MCC: variants seen among roughly 807,000 people sequenced by gnomAD.
The protein encoded by MCC is MCC regulator of Wnt signaling pathway, also known as colorectal mutant cancer protein.
A neutral mutation model predicts 116.2 loss-of-function variants in MCC; 90 were observed. The observed-to-expected ratio is 0.77, with a 90% CI of 0.65 to 0.92. The LOEUF (loss-of-function observed/expected upper bound fraction) is 0.92. Among genes scored for constraint, MCC ranks in the 40% least tolerant of loss-of-function variants. MCC has a pLI of 0.00. For synonymous variants in MCC, 578 were observed against 510.5 expected (o/e 1.13, Z -1.78); for missense variants, 1,516 against 1,312.2 (o/e 1.16, Z -2.40).
At chr5:113,364,242 AAAAAAAAAAAAAAAAAAACCAG>A (rs1253337427) in intron 2 of MCC, among the ~76,000 whole-genome samples, 7 of 126,688 alleles carry the variant, frequency 5.5e-5, no homozygotes, top group Non-Finnish European at 9.8e-5. Context: ...AAAACAGAAA[AAAAAAAAAAAAAAAAAAACCAG>A]AAAAAAAAAA....
At chr5:113,487,852 G>T (rs1561597916) in intron 1 of MCC, among the ~76,000 whole-genome samples, 2 of 152,170 alleles carry the variant, frequency 1.3e-5, no homozygotes, top group Non-Finnish European at 2.9e-5. Context: ...CGGGCAGATC[G>T]CTGCCCCGTG....
At position 113,225,719 on chromosome 5, in the gene MCC, T is replaced by C. The variant is rs572593307; in HGVS notation, c.628-74297A>G. Among the ~76,000 whole-genome samples the C allele has an allele frequency of 5.2e-4, 79 of 152,344 alleles. 1 individual carries two copies. Among genetic ancestry groups the C allele is most frequent in the African/African-American group, 1.9e-3 (77 of 41,576 alleles). On this transcript the variant is annotated intron_variant, in intron 3 of 18. Transcript: ENST00000408903. ...TCCTGGTTCACTGACATGTGCTGTA[T>C]AGTCACAAACACAGGCTCACAGGCA... is the stretch of plus-strand genomic sequence containing the variant.
At chr5:113,470,519 T>C (rs1772054932) in intron 1 of MCC, among the ~76,000 whole-genome samples, 1 of 152,348 alleles carries the variant, frequency 6.6e-6, no homozygotes, top group African/African-American at 2.4e-5. Context: ...CCCCACTCTC[T>C]TCTGGCTTGT....
intron 6 of MCC, among the ~76,000 whole-genome samples, chr5:113,105,526 G>C (rs1756678455): frequency 6.6e-6 from 1 of 152,032 alleles, no homozygotes; most frequent in South Asian, 2.1e-4. Flanking sequence ...GTTCCTCCCC[G>C]ATCTCTCCCA....
chr5:113,096,338 G>T (rs187469666), intron 8 of MCC, among the ~76,000 whole-genome samples: 21 of 152,306 alleles, frequency 1.4e-4, no homozygotes, highest in Admixed American at 1.0e-3. Context: ...GTGGGGGAGT[G>T]TGCCAGGGTG....
chr5:113,443,049 G>C (rs920355051), intron 1 of MCC, among the ~76,000 whole-genome samples: 1 of 152,212 alleles, frequency 6.6e-6, no homozygotes, highest in African/African-American at 2.4e-5. Flanking sequence ...GTCAATGGTA[G>C]CTTGATGGGG....
intron 3 of MCC, among the ~76,000 whole-genome samples, chr5:113,188,777 T>C (rs570873962): frequency 6.6e-6 from 1 of 152,334 alleles, no homozygotes; most frequent in African/African-American, 2.4e-5. Context: ...AAGAATAATG[T>C]GCCCAGGGCC....
intron 2 of MCC, among the ~76,000 whole-genome samples, chr5:113,360,779 C>G (rs1024811645): frequency 6.6e-6 from 1 of 152,118 alleles, no homozygotes. Context: ...CTCCTTTTTA[C>G]TCCTGATATT....
chr5:113,251,645 C>T (rs1005571297), intron 3 of MCC, among the ~76,000 whole-genome samples: 2 of 152,146 alleles, frequency 1.3e-5, no homozygotes, highest in Non-Finnish European at 2.9e-5. Flanking sequence ...TCTAGTTTTG[C>T]CAGATCTTCT....
At chr5:113,238,275 G>T (rs1046841750) in intron 3 of MCC, among the ~76,000 whole-genome samples, 2 of 151,792 alleles carry the variant, frequency 1.3e-5, no homozygotes, top group Non-Finnish European at 2.9e-5. Flanking sequence ...ATTTTTTCCT[G>T]TTTTTTTTAA....
At chr5:113,087,538 CAAAG>C (rs903581768) in intron 8 of MCC, among the ~76,000 whole-genome samples, 2 of 152,114 alleles carry the variant, frequency 1.3e-5, no homozygotes, top group African/African-American at 4.8e-5. Context: ...AGAGACTGGG[CAAAG>C]AGAGAGGGCT....
chr5:113,400,112 A>ATTTT (rs1769640022), intron 1 of MCC: 6 of 50,904 alleles, frequency 1.2e-4, no homozygotes, highest in Admixed American at 1.9e-4. Context: ...CTCCTTTTTT[A>ATTTT]CTTTTTTTTT....
At chr5:113,215,952 G>T (rs1336137645) in intron 3 of MCC, among the ~76,000 whole-genome samples, 1 of 152,146 alleles carries the variant, frequency 6.6e-6, no homozygotes, top group Non-Finnish European at 1.5e-5. Flanking sequence ...TCGCTTTGTT[G>T]TTCAATCAAA....
chr5:113,024,720 C>T lies in MCC; in HGVS notation c.*2582G>A, dbSNP rs1353644382. On this transcript the variant is annotated 3_prime_UTR_variant, in exon 19 of 19. Coordinates refer to ENST00000408903, the MANE Select transcript of MCC (RefSeq NM_001085377.2). ...CAGGTTATTCACAAAGGAAAATTACCCAGGAACCTGCAAGCATTTAATTTA... is the reference window on the plus strand; with the variant it reads ...CAGGTTATTCACAAAGGAAAATTACTCAGGAACCTGCAAGCATTTAATTTA... The T allele has an allele frequency of 3.4e-5, 5 of 146,450 alleles. No individual in the cohort carries two copies. The highest frequency in any genetic ancestry group is 6.0e-5 in the Non-Finnish European group (4 of 67,100). 9.1% of individuals were successfully genotyped at this position (146,450 alleles called of 1,614,324 possible).
intron 5 of MCC, among the ~76,000 whole-genome samples, chr5:113,131,512 A>C (rs1758425967): frequency 1.3e-5 from 2 of 152,242 alleles, no homozygotes; most frequent in South Asian, 4.1e-4. Context: ...TACATTAGGC[A>C]GGGTTCAGTT....
At chr5:113,381,196 T>G (rs1044095195) in intron 2 of MCC, among the ~76,000 whole-genome samples, 2 of 152,300 alleles carry the variant, frequency 1.3e-5, no homozygotes, top group Middle Eastern at 3.4e-3. Context: ...GCTATACTTT[T>G]GCACGCGAGA....
chr5:113,032,026 A>C (rs950964810), intron 17 of MCC, among the ~76,000 whole-genome samples: 6 of 152,270 alleles, frequency 3.9e-5, no homozygotes, highest in Non-Finnish European at 7.3e-5. Flanking sequence ...AGACGAGGCC[A>C]AACTGTAAAC....
chr5:113,031,565 T>C (rs537462672), intron 17 of MCC, among the ~76,000 whole-genome samples: 6 of 152,156 alleles, frequency 3.9e-5, no homozygotes, highest in Non-Finnish European at 7.4e-5. Context: ...CATTCTAATG[T>C]TGATTAATAG....
At chr5:113,240,377 T>C (rs934342148) in intron 3 of MCC, among the ~76,000 whole-genome samples, 3 of 152,336 alleles carry the variant, frequency 2.0e-5, no homozygotes, top group African/African-American at 4.8e-5. Context: ...AACTTTCCAC[T>C]GAAATAAACC....
Sources: allele counts gnomAD v4.1 joint callset (sites outside exome capture counted in the v4.1 genomes callset), GRCh38; gene constraint gnomAD v4.1.1; transcripts MANE v1.5; gene names NCBI Gene and HGNC (gene_info 2026-07-23, HGNC 2026-07-21).